The following COL6A6 variants were observed in gnomAD, a reference collection of about 807,000 sequenced individuals.
The protein encoded by COL6A6 is collagen alpha-6(VI) chain.
COL6A6 carries 183 observed loss-of-function variants against 208.6 expected under a neutral mutation model. The ratio of observed to expected loss-of-function variants is 0.88; its 90% CI spans 0.78 to 0.99. COL6A6 has a LOEUF of 0.99. Among genes scored for constraint, COL6A6 ranks in the 50% least tolerant of loss-of-function variants. The pLI is 0.00. For missense variants in COL6A6, 2,816 were observed against 2,815.2 expected (o/e 1.00, Z -0.01); for synonymous variants, 973 against 1,011.8 (o/e 0.96, Z 0.73).
intron 1 of COL6A6, among the ~76,000 whole-genome samples, chr3:130,521,622 T>G (rs1452407501): frequency 6.6e-6 from 1 of 152,230 alleles, no homozygotes; most frequent in Admixed American, 6.5e-5. Flanking sequence ...ATTTTCCCAC[T>G]GTGTTCCTTC....
intron 1 of COL6A6, among the ~76,000 whole-genome samples, chr3:130,545,546 C>T (rs1261751062): frequency 4.0e-5 from 6 of 151,502 alleles, no homozygotes; most frequent in African/African-American, 7.3e-5. Flanking sequence ...CTCCGCCTCC[C>T]GGATTCAAGT....
At position 130,662,233 on chromosome 3, in the gene COL6A6, C is replaced by T; in HGVS notation, c.6427C>T (p.Gln2143Ter). 1 of 1,613,974 alleles carries T rather than the reference C, an allele frequency of 6.2e-7. No individual in the cohort carries two copies. Among genetic ancestry groups the T allele is most frequent in the Non-Finnish European group, 8.5e-7 (1 of 1,179,892 alleles). Residue 2143 changes from glutamine to a stop codon, truncating the protein, a stop_gained, in exon 35 of 37, where the codon CAG (glutamine) becomes TAG (stop). Transcript: ENST00000358511. LOFTEE classifies it high-confidence loss of function. ...CCACCCTTTGGATCACCACCTGGTCCAGCTTGGCCGAATTCATAAACCTGA... is the reference window on the plus strand; with the variant it reads ...CCACCCTTTGGATCACCACCTGGTCTAGCTTGGCCGAATTCATAAACCTGA... The part of the protein sequence containing the change: ...ASHPLDHHLV[Q>*]LGRIHKPDHS...
chr3:130,581,498 G>C, intron 8 of COL6A6, 63 bp from the exon 9 acceptor site: 2 of 1,146,636 alleles, frequency 1.7e-6, no homozygotes, highest in South Asian at 1.6e-5. Flanking sequence ...TTCAGACATG[G>C]TGTCTGAGTT....
chr3:130,598,553 C>A, intron 19 of COL6A6, 123 bp downstream of exon 19: 1 of 680,000 alleles, frequency 1.5e-6, no homozygotes, highest in African/African-American at 1.8e-5. Flanking sequence ...TACAGAAAAA[C>A]CATTATTAGG....
At chr3:130,547,794 T>TTTTA (rs542900365) in intron 1 of COL6A6, among the ~76,000 whole-genome samples, 11 of 152,326 alleles carry the variant, frequency 7.2e-5, no homozygotes, top group African/African-American at 2.4e-4. Flanking sequence ...ATCCTAGTTG[T>TTTTA]TTTATTTATT....
chr3:130,536,136 A>G (rs1342505242), intron 1 of COL6A6, among the ~76,000 whole-genome samples: 3 of 152,214 alleles, frequency 2.0e-5, no homozygotes, highest in African/African-American at 7.2e-5. Flanking sequence ...AACTTCTCCA[A>G]TAGTTAGTCT....
At chr3:130,598,164 T>C (rs2063902205) in intron 18 of COL6A6, among the ~76,000 whole-genome samples, 1 of 152,114 alleles carries the variant, frequency 6.6e-6, no homozygotes, top group Non-Finnish European at 1.5e-5. Context: ...ATGCCTTAGG[T>C]CTCCGTTCTC....
chr3:130,558,661 A>G (rs1029978338), intron 1 of COL6A6, among the ~76,000 whole-genome samples: 10 of 152,258 alleles, frequency 6.6e-5, no homozygotes, highest in South Asian at 4.1e-4. Context: ...CATTGGCCCT[A>G]TGGATTCTTC....
intron 1 of COL6A6, among the ~76,000 whole-genome samples, chr3:130,536,366 C>A (rs2062224991): frequency 6.6e-6 from 1 of 152,202 alleles, no homozygotes. Context: ...GTGGGTCAGG[C>A]ACTGTTCCAG....
chr3:130,643,096 A>G, intron 31 of COL6A6, 73 bp downstream of exon 31: 1 of 1,489,334 alleles, frequency 6.7e-7, no homozygotes, highest in Non-Finnish European at 9.3e-7. Context: ...ACCTACACTC[A>G]GAATTGAATT....
rs762423511 is a variant in COL6A6, at chr3:130,574,529, A to G, written c.3547+4A>G. 2.2e-5 allele frequency: 36 copies of G among 1,608,032 alleles called. 1 individual carries two copies. In the Admixed American group the frequency reaches 5.7e-4, roughly 25 times the overall value. On this transcript the variant is annotated splice_donor_region_variant and intron_variant, in intron 8 of 36. Transcript: ENST00000358511. ...TGTACCACAGCGGGTGAAAGCAGTA[A>G]GTATTTAGCAAGTTCTTCATTCGAT...
rs146134777 is a variant in COL6A6 at position 130,599,041 on chromosome 3, G to C, written c.4599+611G>C. ...AGAACTGTGCTTTGGAGACAGCACT[G>C]GGTCCTATCTCATGCTCCGTTGCTT... is the stretch of plus-strand genomic sequence containing the variant. On this transcript the variant is annotated intron_variant, in intron 19 of 36. Coordinates refer to ENST00000358511, the MANE Select transcript of COL6A6 (RefSeq NM_001102608.3). Among the ~76,000 whole-genome samples the C allele has an allele frequency of 3.8e-3, 582 of 152,306 alleles. 4 individuals carry two copies. Among genetic ancestry groups the C allele is most frequent in the African/African-American group, 0.013 (555 of 41,562 alleles).
intron 17 of COL6A6, 126 bp downstream of exon 17, chr3:130,593,378 A>C: frequency 1.4e-6 from 1 of 735,878 alleles, no homozygotes; most frequent in South Asian, 1.6e-5. Context: ...CCTCAATCAC[A>C]TACAACGATG....
At chr3:130,611,227 C>T (rs1042126810) in intron 23 of COL6A6, among the ~76,000 whole-genome samples, 48 of 152,128 alleles carry the variant, frequency 3.2e-4, no homozygotes, top group Admixed American at 3.1e-3. Flanking sequence ...TAGCACTCCT[C>T]CAGATTCACA....
rs148245543 is a variant in COL6A6, at chr3:130,552,332, A to G, written c.-31-8002A>G. The stretch of plus-strand genomic sequence containing the variant: ...ATCTGGGCGCTGCTGTTTTGGGTGC[A>G]TACCTATTTAGGATAGTTAGATGTT... On this transcript the variant is annotated intron_variant, in intron 1 of 36. Transcript: ENST00000358511. Among the ~76,000 whole-genome samples, 1,286 of 152,320 alleles carry G rather than the reference A, an allele frequency of 8.4e-3. 8 individuals are homozygous for G. Among genetic ancestry groups the G allele is most frequent in the Middle Eastern group, 0.017 (5 of 294 alleles).
At chr3:130,550,760 A>G (rs560132321) in intron 1 of COL6A6, among the ~76,000 whole-genome samples, 1 of 152,310 alleles carries the variant, frequency 6.6e-6, no homozygotes, top group East Asian at 1.9e-4. Context: ...ATTCTGGAAG[A>G]TAAAATTCAA....
At chr3:130,542,229 G>A (rs2062384005) in intron 1 of COL6A6, among the ~76,000 whole-genome samples, 1 of 150,006 alleles carries the variant, frequency 6.7e-6, no homozygotes, top group South Asian at 2.1e-4. Flanking sequence ...ATTTTGATAA[G>A]CTGTGCTTCT....
In COL6A6 at chr3:130,626,515, G is replaced by C; in HGVS notation, c.4909G>C (p.Ala1637Pro). The C allele has an allele frequency of 3.1e-6, 5 of 1,613,502 alleles. No homozygotes were observed. The highest frequency in any genetic ancestry group is 4.2e-6 in the Non-Finnish European group (5 of 1,179,420). ...GEPGDLGEKG[A>P]VGFPGPRGLQ... ...ACCTGGAGATCTGGGAGAAAAAGGA[G>C]CTGTTGGCTTTCCTGGTCCTCGTGG... Residue 1637 changes from alanine (A) to proline (P), a missense_variant, in exon 25 of 37, where the codon GCT (alanine) becomes CCT (proline). By Grantham distance (27) the Ala-to-Pro change is conservative. Coordinates refer to ENST00000358511, the MANE Select transcript of COL6A6 (RefSeq NM_001102608.3).
chr3:130,587,492 C>A (rs1358247823), intron 11 of COL6A6, among the ~76,000 whole-genome samples: 1 of 152,200 alleles, frequency 6.6e-6, no homozygotes, highest in African/African-American at 2.4e-5. Flanking sequence ...GAACTCCTGA[C>A]GTCATCTTAT....
Sources: gnomAD v4.1 joint callset for allele counts (sites outside exome capture counted in the v4.1 genomes callset) on GRCh38, gnomAD v4.1.1 for gene constraint, MANE v1.5 for transcripts, NCBI Gene and HGNC (gene_info 2026-07-23, HGNC 2026-07-21) for gene names.